The following HIPK3 variants were observed in gnomAD, a reference collection of about 807,000 sequenced individuals.
HIPK3 encodes homeodomain interacting protein kinase 3.
Under a neutral mutation model 124.2 loss-of-function variants are expected in HIPK3, and 47 were observed. The ratio of observed to expected loss-of-function variants is 0.38; its 90% confidence interval spans 0.30 to 0.48. HIPK3 has a LOEUF of 0.48. Ranked by LOEUF, HIPK3 falls within the 20% of genes least tolerant of loss-of-function variation. HIPK3 has a pLI of 0.98. For synonymous variants in HIPK3, 482 were observed against 515.2 expected (o/e 0.94, Z 0.87); for missense variants, 1,286 against 1,454.3 (o/e 0.88, Z 1.88).
intron 2 of HIPK3, among the ~76,000 whole-genome samples, chr11:33,314,991 G>A (rs979769597): frequency 6.6e-6 from 1 of 152,114 alleles, no homozygotes; most frequent in Non-Finnish European, 1.5e-5. Flanking sequence ...CGAAAAGATT[G>A]TAAAATCCAA....
Position 33,318,669 on chromosome 11 carries a change from A to G in HIPK3, c.1098-9841A>G, listed in dbSNP as rs545319193. ...AAGTTTGGTTTAAAAAATGCCAGCA[A>G]AATCTCTCTGTCTCTTCCCCTTTTC... On this transcript the variant is annotated intron_variant, in intron 2 of 16. Transcript: ENST00000303296. Among the ~76,000 whole-genome samples the G allele has an allele frequency of 2.6e-5, 4 of 152,364 alleles. No homozygotes were observed. The South Asian group carries it at 8.3e-4, about 32-fold the overall frequency.
intron 4 of HIPK3, among the ~76,000 whole-genome samples, chr11:33,337,882 C>T (rs1300478939): frequency 3.3e-5 from 5 of 152,114 alleles, no homozygotes; most frequent in African/African-American, 7.2e-5. Flanking sequence ...CCATGTTGGC[C>T]AGGCTGGTCT....
intron 2 of HIPK3, among the ~76,000 whole-genome samples, chr11:33,314,254 T>G (rs1213019996): frequency 6.6e-6 from 1 of 152,228 alleles, no homozygotes; most frequent in East Asian, 1.9e-4. Flanking sequence ...CATGAAAAGT[T>G]ACTTTTGCAC....
At chr11:33,269,722 A>G (rs969274409) in intron 1 of HIPK3, among the ~76,000 whole-genome samples, 1 of 151,360 alleles carries the variant, frequency 6.6e-6, no homozygotes, top group African/African-American at 2.4e-5. Context: ...TGTCTATGCC[A>G]CTTTAATGAG....
At chr11:33,303,841 A>G (rs1329218313) in intron 2 of HIPK3, among the ~76,000 whole-genome samples, 3 of 152,232 alleles carry the variant, frequency 2.0e-5, no homozygotes, top group African/African-American at 7.2e-5. Flanking sequence ...CATTAAAAGG[A>G]ACAAACATTT....
upstream of HIPK3, chr11:33,257,263 C>T (rs138133332): frequency 7.1e-6 from 7 of 982,974 alleles, no homozygotes; most frequent in Admixed American, 6.2e-5. Flanking sequence ...GCGCCGCGGC[C>T]GGAGCGGAGC....
chr11:33,282,896 A>G (rs1565061571), intron 1 of HIPK3, among the ~76,000 whole-genome samples: 1 of 152,162 alleles, frequency 6.6e-6, no homozygotes. Flanking sequence ...TGGGCAATAC[A>G]GTGAGACCTA....
chr11:33,287,543 T>C (rs753456483), intron 2 of HIPK3, 32 bp downstream of exon 2: 31 of 1,570,880 alleles, frequency 2.0e-5, no homozygotes, highest in Non-Finnish European at 2.5e-5. Flanking sequence ...TTTGGTTGTT[T>C]ATTAATGTGA....
At chr11:33,348,492 A>G in intron 12 of HIPK3, 30 bp from the exon 13 acceptor site, 2 of 1,527,872 alleles carry the variant, frequency 1.3e-6, no homozygotes, top group Non-Finnish European at 1.8e-6. Flanking sequence ...TTTTGATTAT[A>G]GAAATTATAA....
In HIPK3 at chr11:33,349,284, A is replaced by G; in HGVS notation, c.2804A>G (p.Asn935Ser). ...AGCCCATCCCCCTGCAAGAGACCGA[A>G]TAGGTAAAAGAATCTCAATAGTAGT... ...QSSPSPCKRP[N>S]SMSDEEQESS... Residue 935 changes from asparagine (N) to serine (S), a missense_variant, in exon 14 of 17, where the codon AAT (asparagine) becomes AGT (serine). Physicochemically the swap from Asn to Ser is conservative, Grantham distance 46. Around this residue, in one of 3 missense-constraint regions of HIPK3, gnomAD observed 810 missense variants for 864.9 expected, o/e 0.94. Transcript: ENST00000303296. The G allele has an allele frequency of 6.2e-7, 1 of 1,610,458 alleles. No homozygotes were observed. The highest frequency in any genetic ancestry group is 2.2e-5 in the East Asian group (1 of 44,870).
At chr11:33,340,914 TTAAAAC>T (rs1590187016) in intron 6 of HIPK3, 48 bp from the exon 7 acceptor site, 1 of 1,156,504 alleles carries the variant, frequency 8.6e-7, no homozygotes, top group South Asian at 2.0e-5. Flanking sequence ...GTACCTCAAT[TTAAAAC>T]TAAGCTTTTA....
At chr11:33,283,057 A>T (rs991764262) in intron 1 of HIPK3, among the ~76,000 whole-genome samples, 4 of 152,156 alleles carry the variant, frequency 2.6e-5, no homozygotes, top group Non-Finnish European at 5.9e-5. Flanking sequence ...TTTTCTGAGT[A>T]AAGGTATGGA....
intron 2 of HIPK3, among the ~76,000 whole-genome samples, chr11:33,292,927 C>T (rs765020794): frequency 7.9e-5 from 12 of 152,032 alleles, no homozygotes; most frequent in Non-Finnish European, 1.2e-4. Flanking sequence ...TTGGTAGAGA[C>T]GGGATTTCAC....
intron 2 of HIPK3, among the ~76,000 whole-genome samples, chr11:33,316,324 G>A (rs1852501798): frequency 6.6e-6 from 1 of 152,156 alleles, no homozygotes; most frequent in Non-Finnish European, 1.5e-5. Context: ...TTCCACTTGT[G>A]GAAATGCTGT....
chr11:33,350,940 G>A (rs967071779), intron 14 of HIPK3, among the ~76,000 whole-genome samples: 6 of 151,856 alleles, frequency 4.0e-5, no homozygotes, highest in African/African-American at 1.5e-4. Context: ...ACAAATATAC[G>A]TATAAGATAT....
At chr11:33,305,828 TC>T (rs1852140475) in intron 2 of HIPK3, among the ~76,000 whole-genome samples, 1 of 151,696 alleles carries the variant, frequency 6.6e-6, no homozygotes. Context: ...AAACTTTCTT[TC>T]CTGGCTTCCT....
chr11:33,294,872 T>C (rs1380299689), intron 2 of HIPK3, among the ~76,000 whole-genome samples: 1 of 152,238 alleles, frequency 6.6e-6, no homozygotes, highest in Admixed American at 6.5e-5. Flanking sequence ...GGACCTTTTT[T>C]TCTCGTGCAG....
intron 3 of HIPK3, among the ~76,000 whole-genome samples, chr11:33,332,233 G>A (rs542894756): frequency 6.1e-4 from 93 of 152,180 alleles, no homozygotes; most frequent in African/African-American, 1.3e-3. Flanking sequence ...GACACTGACC[G>A]TGTTGAAAAT....
At chr11:33,342,400 ATAT>A (rs1302406425) in intron 8 of HIPK3, among the ~76,000 whole-genome samples, 3 of 152,206 alleles carry the variant, frequency 2.0e-5, no homozygotes, top group Admixed American at 6.5e-5. Context: ...TTGTCCCAAA[ATAT>A]TATAGTCTTT....
Sources: allele counts gnomAD v4.1 joint callset (sites outside exome capture counted in the v4.1 genomes callset), GRCh38; gene constraint gnomAD v4.1.1; regional missense constraint gnomAD v4.1.1; transcripts MANE v1.5; gene names NCBI Gene and HGNC (gene_info 2026-07-23, HGNC 2026-07-21).